CWH43: variants seen among roughly 807,000 people sequenced by gnomAD.
The protein encoded by CWH43 is cell wall biogenesis 43 C-terminal homolog.
Under a neutral mutation model 85.7 loss-of-function variants are expected in CWH43, and 91 were observed. The ratio of observed to expected loss-of-function variants is 1.06; its 90% CI spans 0.90 to 1.26. CWH43 has a LOEUF of 1.26. Ranked by LOEUF, CWH43 falls within the 50% of genes most tolerant of loss-of-function variation. The pLI is 0.00. For synonymous variants in CWH43, 323 were observed against 293.6 expected, an observed-to-expected ratio of 1.10 and a Z score of -1.02; for missense variants, 869 against 839.2, an observed-to-expected ratio of 1.04 and a Z score of -0.44.
At chr4:49,048,129 A>T (rs1360893187) in intron 14 of CWH43, among the ~76,000 whole-genome samples, 1 of 152,180 alleles carries the variant, frequency 6.6e-6, no homozygotes, top group Non-Finnish European at 1.5e-5. Context: ...ACGACTTTTC[A>T]TATAGGCTGA....
At chr4:49,045,842 A>G (rs1384285894) in intron 14 of CWH43, among the ~76,000 whole-genome samples, 6 of 152,266 alleles carry the variant, frequency 3.9e-5, no homozygotes, top group Non-Finnish European at 7.4e-5. Flanking sequence ...TTGCATATCA[A>G]TTACCTTAAA....
Position 49,030,880 on chromosome 4 carries a change from C to T in CWH43, c.1428C>T (p.Asn476=). Residue 476 remains asparagine (N), a synonymous_variant, in exon 11 of 16, where the codon AAC becomes AAT. Coordinates refer to ENST00000226432, the MANE Select transcript of CWH43 (RefSeq NM_025087.3). ...ESDASKPYMG[N]NDLTMWLGEK... is the part of the protein sequence containing the mutation. ...ATGCTTCTAAGCCCTATATGGGGAA[C>T]AATGACTTAACCATGTGGCTAGGGG... 6.2e-7 allele frequency: 1 copy of T among 1,609,874 alleles called. No homozygotes were observed. The highest frequency in any genetic ancestry group is 2.2e-5 in the East Asian group (1 of 44,574).
intron 8 of CWH43, among the ~76,000 whole-genome samples, chr4:49,009,586 C>T (rs1783284361): frequency 6.6e-6 from 1 of 152,106 alleles, no homozygotes; most frequent in African/African-American, 2.4e-5. Context: ...AGTTTTTGCC[C>T]ATTCGGTATG....
intron 12 of CWH43, among the ~76,000 whole-genome samples, chr4:49,037,495 G>A (rs1237377912): frequency 3.9e-5 from 6 of 152,076 alleles, no homozygotes; most frequent in South Asian, 2.1e-4. Flanking sequence ...GCATGAATGC[G>A]GGAGGTGGAG....
At chr4:49,008,635 C>T (rs1577667698) in intron 8 of CWH43, among the ~76,000 whole-genome samples, 6 of 151,996 alleles carry the variant, frequency 3.9e-5, no homozygotes, top group Admixed American at 3.9e-4. Flanking sequence ...TTAATCCATC[C>T]TGAATTAATT....
intron 9 of CWH43, among the ~76,000 whole-genome samples, chr4:49,023,107 G>T (rs919872978): frequency 2.6e-5 from 4 of 151,934 alleles, no homozygotes; most frequent in Non-Finnish European, 4.4e-5. Flanking sequence ...TGTTTCTCTA[G>T]TTCCTTGAGT....
intron 8 of CWH43, 94 bp from the exon 9 acceptor site, chr4:49,017,155 G>A: frequency 9.8e-7 from 1 of 1,015,526 alleles, no homozygotes; most frequent in East Asian, 2.6e-5. Context: ...AGGGTGCCAT[G>A]GCACTGGAGC....
chr4:48,986,786 G>A, intron 1 of CWH43: 1 of 1,220,940 alleles, frequency 8.2e-7, no homozygotes, highest in Non-Finnish European at 1.0e-6. Context: ...CGCGCGGCCG[G>A]TACCGTCCCC....
intron 3 of CWH43, 120 bp from the exon 4 acceptor site, chr4:48,991,816 A>G: frequency 2.1e-6 from 2 of 955,150 alleles, no homozygotes; most frequent in Non-Finnish European, 3.1e-6. Flanking sequence ...AATCACATTC[A>G]TTATTGCAAA....
intron 12 of CWH43, among the ~76,000 whole-genome samples, chr4:49,033,611 G>A (rs1784173465): frequency 6.6e-6 from 1 of 152,192 alleles, no homozygotes; most frequent in Admixed American, 6.5e-5. Context: ...AGAGGCCAGT[G>A]ATGGTTTTCT....
intron 13 of CWH43, among the ~76,000 whole-genome samples, chr4:49,039,839 C>A (rs2109822083): frequency 6.6e-6 from 1 of 151,936 alleles, no homozygotes; most frequent in South Asian, 2.1e-4. Flanking sequence ...TGGTATGCTG[C>A]ACCCATTAAC....
intron 6 of CWH43, among the ~76,000 whole-genome samples, chr4:49,001,733 AC>A (rs1390992227): frequency 2.0e-5 from 3 of 152,182 alleles, no homozygotes; most frequent in Non-Finnish European, 4.4e-5. Context: ...AAAAATGATA[AC>A]AGTCAAGATA....
intron 8 of CWH43, chr4:49,016,704 G>A (rs1253021034): frequency 2.6e-6 from 2 of 772,312 alleles, no homozygotes; most frequent in Admixed American, 1.7e-5. Flanking sequence ...CACCTTATCT[G>A]TGATGACCTT....
intron 13 of CWH43, among the ~76,000 whole-genome samples, chr4:49,040,931 G>A (rs2109824295): frequency 6.6e-6 from 1 of 152,282 alleles, no homozygotes; most frequent in Middle Eastern, 3.4e-3. Context: ...TAAGATGTAA[G>A]GAAGGGATCC....
intron 5 of CWH43, among the ~76,000 whole-genome samples, chr4:48,998,060 G>A (rs1464218779): frequency 1.3e-5 from 2 of 152,128 alleles, no homozygotes; most frequent in East Asian, 1.9e-4. Context: ...TGGGAAGGCC[G>A]AGACTCTAGG....
At chr4:48,997,418 C>T (rs116984032) in intron 5 of CWH43, among the ~76,000 whole-genome samples, 5 of 152,058 alleles carry the variant, frequency 3.3e-5, no homozygotes, top group Non-Finnish European at 5.9e-5. Flanking sequence ...AATGTGAGCT[C>T]TATGGGAGAA....
At chr4:49,017,908 C>A (rs1469489917) in intron 9 of CWH43, among the ~76,000 whole-genome samples, 1 of 151,938 alleles carries the variant, frequency 6.6e-6, no homozygotes, top group African/African-American at 2.4e-5. Context: ...GATCTTGGCT[C>A]ACTGCAACCT....
chr4:49,062,050 T>C lies in CWH43; in HGVS notation c.*160T>C, dbSNP rs143640675. 3 of 392,520 alleles carry C rather than the reference T, an allele frequency of 7.6e-6. No individual in the cohort carries two copies. The highest frequency in any genetic ancestry group is 5.5e-5 in the East Asian group (1 of 18,308). 24.3% of individuals were successfully genotyped at this position (392,520 alleles called of 1,614,324 possible). A position where few individuals can be genotyped will look rare whatever the true frequency, so the allele number is the denominator to read the frequency against. On this transcript the variant is annotated 3_prime_UTR_variant, in exon 16 of 16. Transcript: ENST00000226432. ...TGGGAAATTACCTCCATTTGTAAAC[T>C]ATGTTGCTTAATAAAAACATTTCTC...
At chr4:48,986,760 G>C (rs1447925793) in intron 1 of CWH43, 4 of 1,274,282 alleles carry the variant, frequency 3.1e-6, no homozygotes, top group Middle Eastern at 3.0e-4. Flanking sequence ...AATTCTCCTC[G>C]TGTCGGCCTT....
Sources: allele counts gnomAD v4.1 joint callset (sites outside exome capture counted in the v4.1 genomes callset), GRCh38; gene constraint gnomAD v4.1.1; transcripts MANE v1.5; gene names NCBI Gene and HGNC (gene_info 2026-07-23, HGNC 2026-07-21).